Variants in NCOR2 observed in about 807,000 individuals in gnomAD.
NCOR2 encodes the protein nuclear receptor corepressor 2.
In NCOR2, 81 loss-of-function variants were observed where a neutral mutation model predicts 262.9. That is an observed-to-expected ratio of 0.31 (90% CI 0.26 to 0.37). The LOEUF is 0.37. Among genes scored for constraint, NCOR2 ranks in the 10% least tolerant of loss-of-function variants. NCOR2 has a pLI of 1.00. For missense variants in NCOR2, 3,385 were observed against 3,621.4 expected (o/e 0.93, Z 1.68); for synonymous variants, 1,659 against 1,559.3 (o/e 1.06, Z -1.51).
At chr12:124,327,772 C>T in intron 44 of NCOR2, 139 bp from the exon 47 acceptor site, 1 of 634,500 alleles carries the variant, frequency 1.6e-6, no homozygotes, top group Non-Finnish European at 2.7e-6. Context: ...ACAGTGAGCA[C>T]ATTTCGGCAA....
intron 31 of NCOR2, among the ~76,000 whole-genome samples, chr12:124,345,241 G>C (rs1478394381): frequency 6.6e-6 from 1 of 152,172 alleles, no homozygotes; most frequent in East Asian, 1.9e-4. Context: ...TGGGCTCTCT[G>C]ATGGTCCCTG....
intron 10 of NCOR2, among the ~76,000 whole-genome samples, chr12:124,427,802 C>T (rs1288882018): frequency 6.6e-6 from 1 of 152,166 alleles, no homozygotes; most frequent in Non-Finnish European, 1.5e-5. Context: ...CTCTGCCCTC[C>T]CACAGCTGCC....
intron 4 of NCOR2, among the ~76,000 whole-genome samples, chr12:124,470,274 G>A (rs1243457827): frequency 6.6e-6 from 1 of 151,994 alleles, no homozygotes; most frequent in East Asian, 1.9e-4. Flanking sequence ...GGCAGCTGAT[G>A]TGGAAAACAG....
At chr12:124,515,384 A>G (rs2049672986) in intron 1 of NCOR2, among the ~76,000 whole-genome samples, 2 of 151,992 alleles carry the variant, frequency 1.3e-5, no homozygotes, top group Admixed American at 1.3e-4. Flanking sequence ...AAAAAGGAAA[A>G]AAAAAAAAAA....
intron 1 of NCOR2, among the ~76,000 whole-genome samples, chr12:124,487,358 G>A (rs1265952450): frequency 3.9e-5 from 6 of 152,222 alleles, no homozygotes; most frequent in East Asian, 1.9e-4. Context: ...GGAACTCCCC[G>A]CTCGTATCAC....
At chr12:124,350,453 A>G (rs2135888034) in intron 28 of NCOR2, 134 bp downstream of exon 30, 1 of 1,154,384 alleles carries the variant, frequency 8.7e-7, no homozygotes, top group Middle Eastern at 2.0e-4. Flanking sequence ...GCATACCTGC[A>G]GGGATAAGGA....
intron 11 of NCOR2, among the ~76,000 whole-genome samples, chr12:124,425,597 G>A (rs1265605115): frequency 1.3e-5 from 2 of 152,068 alleles, no homozygotes; most frequent in African/African-American, 4.8e-5. Flanking sequence ...ATCTCCTCTG[G>A]GGACCCCGGG....
intron 10 of NCOR2, among the ~76,000 whole-genome samples, chr12:124,427,207 C>A (rs893223434): frequency 1.2e-4 from 19 of 152,146 alleles, no homozygotes; most frequent in Admixed American, 1.2e-3. Context: ...CCCTGGGGTC[C>A]AGCTGGCCCC....
intron 1 of NCOR2, among the ~76,000 whole-genome samples, chr12:124,560,956 A>T (rs1048660380): frequency 1.3e-5 from 2 of 152,246 alleles, no homozygotes; most frequent in African/African-American, 4.8e-5. Context: ...AAAGAAGTCC[A>T]TGATGTATTA....
intron 13 of NCOR2, among the ~76,000 whole-genome samples, chr12:124,405,033 T>C (rs1486315458): frequency 7.1e-6 from 1 of 141,578 alleles, no homozygotes; most frequent in African/African-American, 2.7e-5. Flanking sequence ...CCGCTGAGAG[T>C]CTCAGCCAAC....
chr12:124,483,639 A>G lies in NCOR2; in HGVS notation c.368T>C (p.Leu123Pro). 1.9e-6 allele frequency: 3 copies of G among 1,610,684 alleles called. No individual in the cohort carries two copies. The highest frequency in any genetic ancestry group is 2.5e-6 in the Non-Finnish European group (3 of 1,178,700). Residue 123 changes from leucine to proline, a missense_variant, in exon 3 of 47, where the codon CTG becomes CCG. By Grantham distance (98) the Leu-to-Pro change is moderately conservative. Coordinates refer to ENST00000405201, the Ensembl canonical transcript of NCOR2. This position sits in a 1 kb window ranked among gnomAD's most constrained non-coding sequence, Gnocchi z 6.3. ...TCCCGCAGGCTGGCCCGTGGCCAGCAGGGGTGACGGTCGCAGCAGGGGGTC... is the reference window on the plus strand; with the variant it reads ...TCCCGCAGGCTGGCCCGTGGCCAGCGGGGGTGACGGTCGCAGCAGGGGGTC...
At chr12:124,401,225 G>A (rs1593378965) in intron 14 of NCOR2, among the ~76,000 whole-genome samples, 4 of 143,142 alleles carry the variant, frequency 2.8e-5, no homozygotes, top group Middle Eastern at 3.6e-3. Context: ...AAAAAAAAAA[G>A]AAAAAGAAAG....
rs60809616 is a variant in NCOR2 at position 124,489,167 on chromosome 12, G to T, written c.106-2599C>A. Among the ~76,000 whole-genome samples the T allele has an allele frequency of 1.7e-3, 262 of 152,012 alleles. 1 individual carries two copies. Among genetic ancestry groups the T allele is most frequent in the African/African-American group, 5.9e-3 (243 of 41,456 alleles). On this transcript the variant is annotated intron_variant, in intron 1 of 46. Transcript: ENST00000405201. ...AACTGACCTGAGGTGGAGCCCAAGG[G>T]GTCCCATGAGCTGGAATACGCCCAG...
intron 3 of NCOR2, among the ~76,000 whole-genome samples, chr12:124,477,459 C>T (rs1011505259): frequency 2.0e-5 from 3 of 152,186 alleles, no homozygotes; most frequent in Non-Finnish European, 2.9e-5. Context: ...TCTTTATTAG[C>T]GGTGTAAGAA....
intron 22 of NCOR2, among the ~76,000 whole-genome samples, chr12:124,357,916 T>TGC (rs1253987396): frequency 4.7e-5 from 7 of 148,170 alleles, no homozygotes; most frequent in South Asian, 4.2e-4. Flanking sequence ...TGTGTGTGCG[T>TGC]GCGCACGTGC....
chr12:124,340,297 G>A, exon 36 of NCOR2: 1 of 1,611,076 alleles, frequency 6.2e-7, no homozygotes. Context: ...GCCCTACCAG[G>A]TCTCCAGATG....
chr12:124,466,175 G>C, exon 5 of NCOR2: 1 of 1,606,958 alleles, frequency 6.2e-7, no homozygotes, highest in Non-Finnish European at 8.5e-7. Context: ...ACACATACCC[G>C]GTTCTCGTCG....
intron 1 of NCOR2, among the ~76,000 whole-genome samples, chr12:124,560,828 A>G (rs1292865475): frequency 1.3e-5 from 2 of 152,214 alleles, no homozygotes; most frequent in Non-Finnish European, 2.9e-5. Context: ...TTTCATTTAA[A>G]AAATAAGCTT....
Position 124,454,200 on chromosome 12 carries a change from C to T in NCOR2, c.762+2906G>A, listed in dbSNP as rs908128995. On this transcript the variant is annotated intron_variant, in intron 6 of 46. Transcript: ENST00000405201. The surrounding 1 kb of genome is among the most constrained non-coding windows in gnomAD (Gnocchi z 5.6). ...ACGCCTCATCTCTTGCTGTGTGGCC[C>T]GGCACAAGGCACTCCTCTCACTGAG... 3.9e-5 allele frequency among the ~76,000 whole-genome samples: 6 copies of T among 152,130 alleles called. No homozygotes were observed. Among genetic ancestry groups the T allele is most frequent in the East Asian group, 3.9e-4 (2 of 5,186 alleles).
Sources: allele counts gnomAD v4.1 joint callset (sites outside exome capture counted in the v4.1 genomes callset), GRCh38; gene constraint gnomAD v4.1.1; non-coding constraint Gnocchi (gnomAD v3.1); transcripts MANE v1.5; gene names NCBI Gene and HGNC (gene_info 2026-07-23, HGNC 2026-07-21).